USP10: variants seen among roughly 807,000 people sequenced by gnomAD.
The protein encoded by USP10 is ubiquitin carboxyl-terminal hydrolase 10.
In USP10, 22 loss-of-function variants were observed where a neutral mutation model predicts 84.5. That is an observed-to-expected ratio of 0.26 (90% CI 0.19 to 0.37). The LOEUF is 0.37. Ranked by LOEUF, USP10 falls within the 10% of genes least tolerant of loss-of-function variation. The pLI is 1.00. For missense variants in USP10, 1,019 were observed against 998.9 expected (o/e 1.02, Z -0.27); for synonymous variants, 454 against 387.6 (o/e 1.17, Z -2.01).
rs556523083 is a variant in USP10 at position 84,761,832 on chromosome 16, A to G, written c.1555-1157A>G. On this transcript the variant is annotated intron_variant, in intron 8 of 13. Coordinates refer to ENST00000219473, the MANE Select transcript of USP10 (RefSeq NM_005153.3). ...GACACCAGCCAAGGGGCAACCTTGC[A>G]AGCAGGCCTTTCCAAGGAGAGCCAC... is the stretch of plus-strand genomic sequence containing the variant. Among the ~76,000 whole-genome samples the G allele has an allele frequency of 3.3e-5, 5 of 152,394 alleles. No homozygotes were observed. In the South Asian group the frequency reaches 1.0e-3, roughly 32 times the overall value.
chr16:84,713,033 A>T (rs1274756874), intron 1 of USP10, among the ~76,000 whole-genome samples: 1 of 152,110 alleles, frequency 6.6e-6, no homozygotes, highest in South Asian at 2.1e-4. Context: ...CTGTCCCCCA[A>T]ATGCAAGAAC....
rs1347339847 is a variant in USP10 at position 84,732,482 on chromosome 16, T to C, written c.22-953T>C. On this transcript the variant is annotated intron_variant, in intron 1 of 13. Transcript: ENST00000219473. ...TTCTTTTTGAGATGGAGTCTGGCTC[T>C]GTCGCCCCGGCTGGGGTGCGGTGGC... 1.3e-5 allele frequency: 5 copies of C among 390,294 alleles called. No individual in the cohort carries two copies. In the Admixed American group the frequency reaches 1.3e-4, roughly 10 times the overall value. The allele number at this position is 390,294 out of a possible 1,614,324, so 24.2% of individuals were successfully genotyped here. A position where few individuals can be genotyped will look rare whatever the true frequency, so the allele number is the denominator to read the frequency against.
At chr16:84,718,497 G>A (rs1480169559) in intron 1 of USP10, among the ~76,000 whole-genome samples, 2 of 152,154 alleles carry the variant, frequency 1.3e-5, no homozygotes, top group Non-Finnish European at 2.9e-5. Context: ...GGTGGCTCAC[G>A]CCTGTAATCC....
At chr16:84,775,510 G>A (rs547908707) in intron 13 of USP10, among the ~76,000 whole-genome samples, 1 of 152,184 alleles carries the variant, frequency 6.6e-6, no homozygotes, top group Non-Finnish European at 1.5e-5. Context: ...CTGGCTGTTT[G>A]AGAATGTGAC....
chr16:84,734,792 A>G (rs1412365659), intron 2 of USP10, among the ~76,000 whole-genome samples: 3 of 152,126 alleles, frequency 2.0e-5, no homozygotes, highest in African/African-American at 7.2e-5. Flanking sequence ...TCAGTGTGTA[A>G]TAAGCTGAAA....
intron 1 of USP10, among the ~76,000 whole-genome samples, chr16:84,715,117 A>G (rs748943886): frequency 1.3e-5 from 2 of 152,094 alleles, no homozygotes; most frequent in African/African-American, 4.8e-5. Context: ...TTTAGTAGAG[A>G]TGGGGTTTCA....
At chr16:84,705,293 G>T (rs1046591821) in intron 1 of USP10, among the ~76,000 whole-genome samples, 1 of 151,220 alleles carries the variant, frequency 6.6e-6, no homozygotes, top group Non-Finnish European at 1.5e-5. Context: ...GTGCATTGGC[G>T]GTATCTTGTC....
intron 1 of USP10, among the ~76,000 whole-genome samples, chr16:84,728,668 C>G (rs1464239248): frequency 2.0e-5 from 3 of 151,510 alleles, no homozygotes; most frequent in South Asian, 4.2e-4. Flanking sequence ...TTATGTCCGT[C>G]CACTCACTGG....
rs1339342466 is a variant in USP10, at chr16:84,759,654, G to T, written c.1394+182G>T. 2.0e-5 allele frequency among the ~76,000 whole-genome samples: 3 copies of T among 152,138 alleles called. 1 individual carries two copies. On this transcript the variant is annotated intron_variant, in intron 6 of 13. Coordinates refer to ENST00000219473, the MANE Select transcript of USP10 (RefSeq NM_005153.3). ...TAACCAGAAATGGAATTGGAGCATTGATGATCTGTGTTCTTTAGATTCAGT... is the reference window on the plus strand; with the variant it reads ...TAACCAGAAATGGAATTGGAGCATTTATGATCTGTGTTCTTTAGATTCAGT...
At chr16:84,750,590 TTG>T (rs1305327705) in intron 4 of USP10, among the ~76,000 whole-genome samples, 3 of 152,176 alleles carry the variant, frequency 2.0e-5, no homozygotes, top group Non-Finnish European at 4.4e-5. Flanking sequence ...TATGCTTTCA[TTG>T]AACATTGTAC....
chr16:84,740,739 C>G (rs940664144), intron 3 of USP10, among the ~76,000 whole-genome samples: 2 of 152,232 alleles, frequency 1.3e-5, no homozygotes, highest in African/African-American at 4.8e-5. Context: ...AGCTTCTGAG[C>G]CTGTGTTCTT....
chr16:84,717,748 G>C (rs1483673781), intron 1 of USP10, among the ~76,000 whole-genome samples: 1 of 152,168 alleles, frequency 6.6e-6, no homozygotes, highest in Non-Finnish European at 1.5e-5. Context: ...CCTGAGTTAT[G>C]TGTGTTCAGG....
intron 11 of USP10, among the ~76,000 whole-genome samples, chr16:84,770,260 A>G (rs1383393726): frequency 2.0e-5 from 3 of 152,146 alleles, no homozygotes; most frequent in African/African-American, 7.2e-5. Context: ...TGTTTCAGGA[A>G]GATTTGGGAC....
chr16:84,731,776 C>CTTT (rs5818506), intron 1 of USP10, among the ~76,000 whole-genome samples: 2 of 148,804 alleles, frequency 1.3e-5, no homozygotes, highest in Non-Finnish European at 1.5e-5. Flanking sequence ...TCTGATAGCT[C>CTTT]TTTTTTTTTT....
chr16:84,751,022 A>G (rs925965368), intron 4 of USP10, among the ~76,000 whole-genome samples: 1 of 152,272 alleles, frequency 6.6e-6, no homozygotes, highest in Non-Finnish European at 1.5e-5. Context: ...GTAAATGAAC[A>G]TACAGTTATG....
At chr16:84,766,102 G>T (rs79169299) in intron 10 of USP10, among the ~76,000 whole-genome samples, 1,828 of 152,212 alleles carry the variant, frequency 0.012, 31 homozygotes, top group African/African-American at 0.041. Flanking sequence ...CCCTTTTGAG[G>T]CATCAAGACT....
chr16:84,736,003 C>A lies in USP10; in HGVS notation c.90+2500C>A, dbSNP rs138884146. 7.0e-3 allele frequency among the ~76,000 whole-genome samples: 1,061 copies of A among 151,104 alleles called. 8 individuals are homozygous for A. Among genetic ancestry groups the A allele is most frequent in the African/African-American group, 0.024 (991 of 40,830 alleles). Reference sequence around the variant, plus strand: ...GAGTGGCGAGGGCGTGTCACTTGGACCTGTGGGTGTGTGAGTGGCGAGGGC... The same window carrying A: ...GAGTGGCGAGGGCGTGTCACTTGGAACTGTGGGTGTGTGAGTGGCGAGGGC... On this transcript the variant is annotated intron_variant, in intron 2 of 13. Coordinates refer to ENST00000219473, the MANE Select transcript of USP10 (RefSeq NM_005153.3).
intron 9 of USP10, 79 bp from the exon 10 acceptor site, chr16:84,764,007 C>G: frequency 6.8e-7 from 1 of 1,463,640 alleles, no homozygotes; most frequent in South Asian, 1.4e-5. Flanking sequence ...TTTAAAACTG[C>G]AATCGACAGA....
At chr16:84,704,914 G>A (rs73243905) in intron 1 of USP10, 97 of 1,535,266 alleles carry the variant, frequency 6.3e-5, no homozygotes, top group African/African-American at 9.6e-5. Flanking sequence ...TGAATTCCTC[G>A]ACTTTCCCTT....
Sources: gnomAD v4.1 joint callset for allele counts (sites outside exome capture counted in the v4.1 genomes callset) on GRCh38, gnomAD v4.1.1 for gene constraint, MANE v1.5 for transcripts, NCBI Gene and HGNC (gene_info 2026-07-23, HGNC 2026-07-21) for gene names.